Variants in SOX5 observed in about 807,000 individuals in gnomAD.
SOX5 encodes the protein transcription factor SOX-5.
In SOX5, 9 loss-of-function variants were observed where a neutral mutation model predicts 92.0. That is an observed-to-expected ratio of 0.10 (90% CI 0.06 to 0.17). The LOEUF (loss-of-function observed/expected upper bound fraction) is 0.17. SOX5 is among the 10% of genes least tolerant of loss of function. The probability of loss-of-function intolerance (pLI) is 1.00; values close to 1 mark genes in which losing one functional copy is unlikely to be tolerated. For missense variants in SOX5, 642 were observed against 944.5 expected, an observed-to-expected ratio of 0.68 and a Z score of 4.20; for synonymous variants, 344 against 336.3, an observed-to-expected ratio of 1.02 and a Z score of -0.25.
At chr12:23,818,558 G>A (rs554696603) in intron 3 of SOX5, among the ~76,000 whole-genome samples, 2 of 152,134 alleles carry the variant, frequency 1.3e-5, no homozygotes, top group Non-Finnish European at 2.9e-5. Flanking sequence ...GTAAACACTC[G>A]ATTCTTAGAC....
intron 3 of SOX5, among the ~76,000 whole-genome samples, chr12:23,772,626 T>C (rs1201206223): frequency 6.6e-5 from 10 of 152,234 alleles, no homozygotes; most frequent in Non-Finnish European, 1.3e-4. Flanking sequence ...TCTTACAAAA[T>C]GCTATTTGTA....
intron 3 of SOX5, among the ~76,000 whole-genome samples, chr12:23,782,962 G>T (rs1437207870): frequency 6.6e-6 from 1 of 152,022 alleles, no homozygotes; most frequent in African/African-American, 2.4e-5. Context: ...AAGGCCCTTT[G>T]AGAGCCTTTC....
intron 2 of SOX5, among the ~76,000 whole-genome samples, chr12:24,367,715 G>A (rs76920529): frequency 0.024 from 3,701 of 152,144 alleles, 75 homozygotes; most frequent in East Asian, 0.05. Context: ...GATCAGAACC[G>A]CATTCTCAGC....
At chr12:23,767,247 CATAT>C (rs113813021) in intron 3 of SOX5, among the ~76,000 whole-genome samples, 14 of 138,840 alleles carry the variant, frequency 1.0e-4, no homozygotes, top group South Asian at 2.3e-4. Flanking sequence ...CACACACACA[CATAT>C]ATATATTCAT....
chr12:23,599,196 A>G (rs781754760), intron 9 of SOX5, among the ~76,000 whole-genome samples: 5 of 152,232 alleles, frequency 3.3e-5, no homozygotes, highest in Non-Finnish European at 5.9e-5. Context: ...TATGCCTTTG[A>G]AAGAGGCTCA....
chr12:23,659,263 T>C (rs1298399356), intron 7 of SOX5, among the ~76,000 whole-genome samples: 1 of 152,148 alleles, frequency 6.6e-6, no homozygotes. Context: ...CAGGAACACA[T>C]CAGCAAATAC....
At chr12:24,484,101 CT>C (rs1395059972) in intron 1 of SOX5, among the ~76,000 whole-genome samples, 1 of 152,150 alleles carries the variant, frequency 6.6e-6, no homozygotes, top group Admixed American at 6.6e-5. Context: ...TCTCAAAAGC[CT>C]TACCAAAGAG....
intron 1 of SOX5, among the ~76,000 whole-genome samples, chr12:24,369,352 A>G (rs1321370519): frequency 6.6e-6 from 1 of 152,204 alleles, no homozygotes; most frequent in East Asian, 1.9e-4. Flanking sequence ...GGGGCCAGAA[A>G]CTAAAACTTT....
At position 24,425,740 on chromosome 12, in the gene SOX5, A is replaced by G. The variant is rs531595923; in HGVS notation, c.-250-57101T>C. 2.6e-5 allele frequency among the ~76,000 whole-genome samples: 4 copies of G among 152,342 alleles called. No individual in the cohort carries two copies. The South Asian group carries it at 8.3e-4, about 32-fold the overall frequency. The stretch of plus-strand genomic sequence containing the variant: ...TTCAAGTCACCGGGCTGTTCCTCAG[A>G]AACTATGCATAGCAACAAGTACATG... On this transcript the variant is annotated intron_variant, in intron 1 of 4. Transcript: ENST00000446891.
At chr12:24,543,272 G>A (rs533901607) in intron 1 of SOX5, among the ~76,000 whole-genome samples, 2 of 152,278 alleles carry the variant, frequency 1.3e-5, no homozygotes, top group Admixed American at 1.3e-4. Context: ...GCTTACCATT[G>A]TAACCCCCTT....
intron 1 of SOX5, among the ~76,000 whole-genome samples, chr12:24,525,504 T>A (rs1329777688): frequency 1.3e-5 from 2 of 152,154 alleles, no homozygotes; most frequent in Non-Finnish European, 2.9e-5. Context: ...CACTTAAAAA[T>A]GTGTTAAGAG....
At chr12:23,966,545 T>C (rs577180899) in intron 4 of SOX5, among the ~76,000 whole-genome samples, 2 of 152,238 alleles carry the variant, frequency 1.3e-5, no homozygotes, top group South Asian at 2.1e-4. Flanking sequence ...TTTCTGAACA[T>C]CAACACTTTA....
At chr12:24,359,940 T>C (rs547920684) in intron 2 of SOX5, among the ~76,000 whole-genome samples, 3 of 152,002 alleles carry the variant, frequency 2.0e-5, no homozygotes, top group East Asian at 3.9e-4. Flanking sequence ...ATATGGGGAA[T>C]AAAGGTCATA....
At chr12:24,538,801 G>A (rs78386973) in intron 1 of SOX5, among the ~76,000 whole-genome samples, 2,168 of 151,984 alleles carry the variant, frequency 0.014, 25 homozygotes, top group South Asian at 0.034. Context: ...CTTAACTTTC[G>A]GTTAGCAGTA....
chr12:23,809,735 G>A (rs2095843875), intron 3 of SOX5, among the ~76,000 whole-genome samples: 1 of 147,494 alleles, frequency 6.8e-6, no homozygotes, highest in Non-Finnish European at 1.5e-5. Context: ...GGTTCCAGAT[G>A]GTTACATCAG....
chr12:24,438,336 T>G (rs1312864201), intron 1 of SOX5, among the ~76,000 whole-genome samples: 1 of 152,088 alleles, frequency 6.6e-6, no homozygotes, highest in African/African-American at 2.4e-5. Context: ...TTGTAGATGA[T>G]GGGTTGATGG....
chr12:23,922,529 C>T (rs952826057), intron 1 of SOX5, among the ~76,000 whole-genome samples: 1 of 152,202 alleles, frequency 6.6e-6, no homozygotes. Flanking sequence ...TTGTGTCTTA[C>T]AAATATTACT....
intron 4 of SOX5, among the ~76,000 whole-genome samples, chr12:23,979,914 C>CAG (rs1949390637): frequency 3.5e-5 from 1 of 28,468 alleles, no homozygotes; most frequent in Admixed American, 4.0e-4. Context: ...GCTGGCTGGC[C>CAG]AGACAGACAG....
At chr12:23,771,132 G>A (rs1459399926) in intron 3 of SOX5, among the ~76,000 whole-genome samples, 1 of 146,586 alleles carries the variant, frequency 6.8e-6, no homozygotes, top group Non-Finnish European at 1.5e-5. Flanking sequence ...TATCTAGAAG[G>A]AGCTTTTATA....
Sources: gnomAD v4.1 joint callset for allele counts (sites outside exome capture counted in the v4.1 genomes callset) on GRCh38, gnomAD v4.1.1 for gene constraint, MANE v1.5 for transcripts, NCBI Gene and HGNC (gene_info 2026-07-23, HGNC 2026-07-21) for gene names.